NHERF1: variants seen among roughly 807,000 people sequenced by gnomAD.
NHERF1 encodes NHERF family PDZ scaffold protein 1.
chr17:74,755,072 G>C, the NHERF1 span, among the ~76,000 whole-genome samples: 130 of 152,294 alleles, frequency 8.5e-4, 2 homozygotes, highest in Admixed American at 6.3e-3. Context: ...CCAACCCTCT[G>C]ACTCTAGTGC....
At chr17:74,757,382 C>T in the NHERF1 span, among the ~76,000 whole-genome samples, 12 of 152,186 alleles carry the variant, frequency 7.9e-5, no homozygotes, top group African/African-American at 2.9e-4. Context: ...CCCTGCCGCC[C>T]GCACAGACCT....
the NHERF1 span, chr17:74,768,934 G>A: frequency 4.3e-4 from 207 of 478,444 alleles, no homozygotes; most frequent in East Asian, 7.1e-3. Flanking sequence ...CTGGGACATC[G>A]CTGGAACCTG....
At chr17:74,763,260 A>C in the NHERF1 span, 1 of 1,111,418 alleles carries the variant, frequency 9.0e-7, no homozygotes, top group South Asian at 1.5e-5. Flanking sequence ...GTGAACTGCA[A>C]ACTGGCTGAG....
the NHERF1 span, among the ~76,000 whole-genome samples, chr17:74,756,930 C>G: frequency 6.6e-6 from 1 of 152,130 alleles, no homozygotes; most frequent in African/African-American, 2.4e-5. Flanking sequence ...CTTAATAGCC[C>G]CTTGGGACAA....
chr17:74,757,760 A>G, the NHERF1 span, among the ~76,000 whole-genome samples: 1 of 152,162 alleles, frequency 6.6e-6, no homozygotes, highest in Non-Finnish European at 1.5e-5. Flanking sequence ...AGCCCCTGAG[A>G]ACAGCCAGGG....
At chr17:74,756,993 G>A in the NHERF1 span, among the ~76,000 whole-genome samples, 5 of 152,148 alleles carry the variant, frequency 3.3e-5, no homozygotes, top group Non-Finnish European at 7.4e-5. Context: ...GGATGAGGAA[G>A]GATGCAGCAG....
the NHERF1 span, chr17:74,767,057 A>G: frequency 1.1e-5 from 15 of 1,388,938 alleles, no homozygotes; most frequent in Middle Eastern, 1.8e-4. Context: ...GGTTGGTAGG[A>G]TAGCCATCTG....
At chr17:74,753,193 G>A in the NHERF1 span, among the ~76,000 whole-genome samples, 1 of 152,202 alleles carries the variant, frequency 6.6e-6, no homozygotes, top group Non-Finnish European at 1.5e-5. Flanking sequence ...CTCCACCTCT[G>A]TGAAAGGCAC....
chr17:74,752,421 A>C, the NHERF1 span, among the ~76,000 whole-genome samples: 1 of 151,756 alleles, frequency 6.6e-6, no homozygotes, highest in African/African-American at 2.4e-5. Flanking sequence ...ACACCCTGAC[A>C]CTTCTGTCCC....
chr17:74,762,884 T>C, the NHERF1 span: 11 of 161,296 alleles, frequency 6.8e-5, no homozygotes, highest in Non-Finnish European at 1.5e-4. The surrounding 1 kb of genome is among the most constrained non-coding windows in gnomAD (Gnocchi z 4.2). Context: ...GACTCGTGCA[T>C]TCAGGGCTCT....
the NHERF1 span, among the ~76,000 whole-genome samples, chr17:74,756,023 G>A: frequency 4.9e-4 from 73 of 148,276 alleles, no homozygotes; most frequent in South Asian, 6.2e-3. Context: ...GTGCGATCTC[G>A]GCTCACTGCA....
chr17:74,768,265 T>C, the NHERF1 span: 1 of 1,554,366 alleles, frequency 6.4e-7, no homozygotes, highest in South Asian at 1.1e-5. Context: ...GGGTGGCAAC[T>C]GGGTTACAGG....
chr17:74,753,661 G>A, the NHERF1 span, among the ~76,000 whole-genome samples: 10 of 151,968 alleles, frequency 6.6e-5, no homozygotes, highest in African/African-American at 2.4e-4. Flanking sequence ...GGCTGAGGCG[G>A]GAGGATCGCT....
At chr17:74,758,658 G>A in the NHERF1 span, among the ~76,000 whole-genome samples, 1 of 152,118 alleles carries the variant, frequency 6.6e-6, no homozygotes, top group Non-Finnish European at 1.5e-5. This position sits in a 1 kb window ranked among gnomAD's most constrained non-coding sequence, Gnocchi z 4.3. Flanking sequence ...CCATGCTTCG[G>A]ACCCCTCTGT....
the NHERF1 span, among the ~76,000 whole-genome samples, chr17:74,765,417 G>A: frequency 1.1e-4 from 16 of 151,762 alleles, no homozygotes; most frequent in South Asian, 3.3e-3. Flanking sequence ...GCGCCACCAC[G>A]CCCAGCAAAT....
At chr17:74,752,344 C>A in the NHERF1 span, among the ~76,000 whole-genome samples, 1 of 151,766 alleles carries the variant, frequency 6.6e-6, no homozygotes, top group Admixed American at 6.6e-5. Flanking sequence ...AGCCTGTTCT[C>A]ACCACTGCCT....
chr17:74,767,034 C>A, the NHERF1 span: 1 of 1,523,294 alleles, frequency 6.6e-7, no homozygotes, highest in Non-Finnish European at 9.1e-7. Flanking sequence ...TGAGACAGAT[C>A]AGAAGGTGCT....
chr17:74,752,786 T>G, the NHERF1 span, among the ~76,000 whole-genome samples: 1 of 152,246 alleles, frequency 6.6e-6, no homozygotes, highest in East Asian at 1.9e-4. Flanking sequence ...TTTATCGCTC[T>G]AAACACACAA....
chr17:74,768,650 C>A, the NHERF1 span: 1 of 1,613,674 alleles, frequency 6.2e-7, no homozygotes, highest in Non-Finnish European at 8.5e-7. Context: ...TCTTCAGCAA[C>A]CTCTGAGCGC....
Sources: gnomAD v4.1 joint callset for allele counts (sites outside exome capture counted in the v4.1 genomes callset) on GRCh38, gnomAD v4.1.1 for gene constraint, Gnocchi (gnomAD v3.1) non-coding constraint, MANE v1.5 for transcripts, NCBI Gene and HGNC (gene_info 2026-07-23, HGNC 2026-07-21) for gene names.